The following LGALS13 variants were observed in gnomAD, a reference collection of about 807,000 sequenced individuals.
LGALS13 encodes galactoside-binding soluble lectin 13.
A neutral mutation model predicts 13.2 loss-of-function variants in LGALS13; 11 were observed. The ratio of observed to expected loss-of-function variants is 0.83; its 90% CI spans 0.52 to 1.38. The LOEUF (loss-of-function observed/expected upper bound fraction) is 1.38, where lower values mean the gene tolerates loss of function less well. Ranked by LOEUF, LGALS13 falls within the 40% of genes most tolerant of loss-of-function variation. The pLI is 0.00. For missense variants in LGALS13, 183 were observed against 174.3 expected, an observed-to-expected ratio of 1.05 and a Z score of -0.28; for synonymous variants, 71 against 63.7, an observed-to-expected ratio of 1.11 and a Z score of -0.54.
Position 39,607,386 on chromosome 19 carries a change from T to C in LGALS13, c.*47T>C, listed in dbSNP as rs757559361. On this transcript the variant is annotated 3_prime_UTR_variant, in exon 4 of 4. Coordinates refer to ENST00000221797, the MANE Select transcript of LGALS13 (RefSeq NM_013268.3). ...TTGTTGAGGAATCCCTCTTTCTACC[T>C]GACCATGGGATTCCCAGAACCTGCT... The C allele has an allele frequency of 2.4e-6, 3 of 1,244,778 alleles. No individual in the cohort carries two copies. Among genetic ancestry groups the C allele is most frequent in the Admixed American group, 1.7e-5 (1 of 59,538 alleles). The allele number at this position is 1,244,778 out of a possible 1,614,324, so 77.1% of individuals were successfully genotyped here. A position where few individuals can be genotyped will look rare whatever the true frequency, so the allele number is the denominator to read the frequency against.
chr19:39,606,219 G>C (rs183334623), intron 3 of LGALS13, among the ~76,000 whole-genome samples: 9 of 152,200 alleles, frequency 5.9e-5, no homozygotes, highest in African/African-American at 1.9e-4. Flanking sequence ...AGCAAATCCT[G>C]GTATAAGTTG....
At chr19:39,604,581 T>G (rs1214817194) in intron 1 of LGALS13, 21 bp from the exon 2 acceptor site, 1 of 1,613,798 alleles carries the variant, frequency 6.2e-7, no homozygotes. Context: ...CACCTCTCAC[T>G]TACTCTCAAT....
In LGALS13 at chr19:39,602,862, C is replaced by T. The variant is rs1972623044; in HGVS notation, c.15+279C>T. On this transcript the variant is annotated intron_variant, in intron 1 of 3. Coordinates refer to ENST00000221797, the MANE Select transcript of LGALS13 (RefSeq NM_013268.3). ...GTGACTTTAAGTGGGAGGTGGATTACCCACCAGGACGAGCAGGTGTGTGAA... is the reference window on the plus strand; with the variant it reads ...GTGACTTTAAGTGGGAGGTGGATTATCCACCAGGACGAGCAGGTGTGTGAA... 2.0e-5 allele frequency among the ~76,000 whole-genome samples: 3 copies of T among 152,058 alleles called. No individual in the cohort carries two copies. In the South Asian group the frequency reaches 6.2e-4, roughly 31 times the overall value.
Position 39,607,203 on chromosome 19 carries a change from A to T in LGALS13, c.304-20A>T. 1 of 1,579,220 alleles carries T rather than the reference A, an allele frequency of 6.3e-7. No individual in the cohort carries two copies. Among genetic ancestry groups the T allele is most frequent in the Non-Finnish European group, 8.7e-7 (1 of 1,148,148 alleles). ...TGTTTGGTGGCATGCTTTCTTTCTG[A>T]TGCATTTTTCCTCTTGTAGATAAAG... On this transcript the variant is annotated intron_variant, in intron 3 of 3. Coordinates refer to ENST00000221797, the MANE Select transcript of LGALS13 (RefSeq NM_013268.3).
intron 3 of LGALS13, among the ~76,000 whole-genome samples, chr19:39,606,980 A>T (rs1972699781): frequency 2.0e-5 from 3 of 152,202 alleles, no homozygotes; most frequent in Non-Finnish European, 4.4e-5. Flanking sequence ...GAGTAAGCAA[A>T]GACTTTGTGA....
Position 39,605,267 on chromosome 19 carries a change from A to T in LGALS13, c.182A>T (p.His61Leu), listed in dbSNP as rs2144829723. Residue 61 changes from histidine to leucine, a missense_variant, in exon 3 of 4, where the codon CAT becomes CTT. Transcript: ENST00000221797. ...CGTTTCCGAGTGCACTTTGGCAATC[A>T]TGTGGTCATGAACAGGCGTGAGTTT... Reference protein sequence around the residue: ...AFRFRVHFGNHVVMNRREFGI... With the variant: ...AFRFRVHFGNLVVMNRREFGI... 16 of 1,614,226 alleles carry T rather than the reference A, an allele frequency of 9.9e-6. No individual in the cohort carries two copies. The highest frequency in any genetic ancestry group is 1.4e-5 in the Non-Finnish European group (16 of 1,180,022).
chr19:39,607,407 C>G lies in LGALS13; in HGVS notation c.*68C>G. On this transcript the variant is annotated 3_prime_UTR_variant, in exon 4 of 4. Coordinates refer to ENST00000221797, the MANE Select transcript of LGALS13 (RefSeq NM_013268.3). ...TACCTGACCATGGGATTCCCAGAACCTGCTAACAGAATAATCCCTGCTCAC... is the reference window on the plus strand; with the variant it reads ...TACCTGACCATGGGATTCCCAGAACGTGCTAACAGAATAATCCCTGCTCAC... 9.9e-7 allele frequency: 1 copy of G among 1,013,686 alleles called. No individual in the cohort carries two copies. The highest frequency in any genetic ancestry group is 1.3e-5 in the South Asian group (1 of 79,032). The allele number at this position is 1,013,686 out of a possible 1,614,324, so 62.8% of individuals were successfully genotyped here.
intron 2 of LGALS13, 58 bp from the exon 3 acceptor site, chr19:39,605,120 G>A (rs1199677498): frequency 1.1e-5 from 15 of 1,359,722 alleles, no homozygotes; most frequent in East Asian, 2.3e-5. Context: ...TGTGTGTGTC[G>A]AGTGTGTGTC....
chr19:39,605,449 T>C (rs2233707), intron 3 of LGALS13, 61 bp downstream of exon 3: 46,746 of 1,369,174 alleles, frequency 0.034, 924 homozygotes, highest in Middle Eastern at 0.068. Context: ...AGGAGGCAGC[T>C]CTCATTGATC....
Position 39,605,256 on chromosome 19 carries a change from C to G in LGALS13, c.171C>G (p.His57Gln). ...DSDIAFRFRV[H>Q]FGNHVVMNRR... ...ATATTGCCTTCCGTTTCCGAGTGCA[C>G]TTTGGCAATCATGTGGTCATGAACA... is the stretch of plus-strand genomic sequence containing the variant. The change falls in exon 3 of 4, where the codon CAC (histidine) becomes CAG (glutamine). Residue 57 changes from histidine to glutamine, a missense_variant. Physicochemically the swap from His to Gln is conservative, Grantham distance 24. Transcript: ENST00000221797. The G allele has an allele frequency of 6.2e-7, 1 of 1,614,208 alleles. No individual in the cohort carries two copies. Among genetic ancestry groups the G allele is most frequent in the Non-Finnish European group, 8.5e-7 (1 of 1,180,024 alleles).
At chr19:39,605,069 C>A (rs1972662195) in intron 2 of LGALS13, 109 bp from the exon 3 acceptor site, 8 of 926,320 alleles carry the variant, frequency 8.6e-6, no homozygotes, top group Non-Finnish European at 1.2e-5. Flanking sequence ...TCAGTATTAT[C>A]TGGGAGACTT....
At chr19:39,604,383 A>G (rs1178804099) in intron 1 of LGALS13, among the ~76,000 whole-genome samples, 1 of 152,212 alleles carries the variant, frequency 6.6e-6, no homozygotes, top group Admixed American at 6.5e-5. Context: ...AGGCAGAATG[A>G]GGACTGGAAT....
At chr19:39,603,985 C>A in intron 1 of LGALS13, 1 of 985,398 alleles carries the variant, frequency 1.0e-6, no homozygotes, top group Non-Finnish European at 1.2e-6. Flanking sequence ...TGTGCCCCTT[C>A]TTGGAAGGAT....
chr19:39,605,051 C>T, intron 2 of LGALS13, 127 bp from the exon 3 acceptor site: 2 of 813,812 alleles, frequency 2.5e-6, no homozygotes, highest in Non-Finnish European at 4.2e-6. Flanking sequence ...CCCACAGGGA[C>T]CTGGCCATCA....
chr19:39,607,131 G>T, intron 3 of LGALS13, 92 bp from the exon 4 acceptor site: 1 of 860,716 alleles, frequency 1.2e-6, no homozygotes, highest in Non-Finnish European at 2.0e-6. Flanking sequence ...AATTTTCTTG[G>T]GGAATGTTAT....
intron 2 of LGALS13, 88 bp downstream of exon 2, chr19:39,604,766 T>C: frequency 6.6e-7 from 1 of 1,516,912 alleles, no homozygotes; most frequent in Non-Finnish European, 9.1e-7. Context: ...GATGTGGAAA[T>C]GTCTAGTTGG....
At position 39,605,230 on chromosome 19, in the gene LGALS13, G is replaced by T. The variant is rs1399230011; in HGVS notation, c.145G>T (p.Asp49Tyr). 1 of 1,614,258 alleles carries T rather than the reference G, an allele frequency of 6.2e-7. No homozygotes were observed. Among genetic ancestry groups the T allele is most frequent in the Non-Finnish European group, 8.5e-7 (1 of 1,180,042 alleles). ...CTACACTGACATGGATGAGGATTCA[G>T]ATATTGCCTTCCGTTTCCGAGTGCA... is the stretch of plus-strand genomic sequence containing the variant. ...DFYTDMDEDS[D>Y]IAFRFRVHFG... Residue 49 changes from aspartate (D) to tyrosine (Y), a missense_variant, in exon 3 of 4, where the codon GAT (aspartate) becomes TAT (tyrosine). Coordinates refer to ENST00000221797, the MANE Select transcript of LGALS13 (RefSeq NM_013268.3).
intron 1 of LGALS13, chr19:39,603,845 C>G: frequency 2.7e-6 from 2 of 745,450 alleles, no homozygotes; most frequent in Non-Finnish European, 3.3e-6. Context: ...GAGCAAGAAC[C>G]TATCTCAAAA....
intron 3 of LGALS13, among the ~76,000 whole-genome samples, chr19:39,605,839 T>A (rs1972680689): frequency 6.9e-6 from 1 of 145,884 alleles, no homozygotes; most frequent in Non-Finnish European, 1.5e-5. Context: ...TTTGTTTGTT[T>A]GTTTGTTTTT....
Sources: allele counts gnomAD v4.1 joint callset (sites outside exome capture counted in the v4.1 genomes callset), GRCh38; gene constraint gnomAD v4.1.1; transcripts MANE v1.5; gene names NCBI Gene and HGNC (gene_info 2026-07-23, HGNC 2026-07-21).